Variants in PREX2 observed in about 807,000 individuals in gnomAD.
The protein encoded by PREX2 is phosphatidylinositol 3,4,5-trisphosphate-dependent Rac exchanger 2 protein.
PREX2 carries 107 observed loss-of-function variants against 203.2 expected under a neutral mutation model. That is an observed-to-expected ratio of 0.53 (90% CI 0.45 to 0.62). The LOEUF (loss-of-function observed/expected upper bound fraction) is 0.62, where lower values mean the gene tolerates loss of function less well. PREX2 is among the 20% of genes least tolerant of loss of function. PREX2 has a pLI of 0.00. For synonymous variants in PREX2, 672 were observed against 663.6 expected (o/e 1.01, Z -0.19); for missense variants, 1,777 against 1,955.9 (o/e 0.91, Z 1.72).
rs574548095 is a variant in PREX2 at position 68,055,722 on chromosome 8, C to T, written c.1094-108C>T. 26 of 1,026,936 alleles carry T rather than the reference C, an allele frequency of 2.5e-5. No homozygotes were observed. The East Asian group carries it at 6.0e-4, about 24-fold the overall frequency. 63.6% of individuals were successfully genotyped at this position (1,026,936 alleles called of 1,614,324 possible). On this transcript the variant is annotated intron_variant, in intron 9 of 39. Transcript: ENST00000288368. ...TTATACAGAGATCTGTATCCACAAC[C>T]CCCAGCACATGGTAGACCTGCAACA...
intron 9 of PREX2, among the ~76,000 whole-genome samples, chr8:68,054,518 A>G (rs147340950): frequency 1.0e-3 from 152 of 152,310 alleles, no homozygotes; most frequent in African/African-American, 3.5e-3. Context: ...AGCATTGTCA[A>G]AAATAAAAAT....
At chr8:68,023,301 T>G (rs1187812955) in intron 4 of PREX2, among the ~76,000 whole-genome samples, 1 of 152,180 alleles carries the variant, frequency 6.6e-6, no homozygotes, top group African/African-American at 2.4e-5. Flanking sequence ...CATTTTCAGT[T>G]TTTCTGATTA....
At chr8:67,988,885 G>T (rs538776221) in intron 1 of PREX2, among the ~76,000 whole-genome samples, 1 of 152,202 alleles carries the variant, frequency 6.6e-6, no homozygotes, top group African/African-American at 2.4e-5. Context: ...CAGCATGGCC[G>T]TAGTGATCCT....
intron 34 of PREX2, among the ~76,000 whole-genome samples, chr8:68,150,812 A>G (rs1431508540): frequency 6.6e-6 from 1 of 152,194 alleles, no homozygotes; most frequent in African/African-American, 2.4e-5. Context: ...GGCTTAAAAC[A>G]ACAGAAATGT....
rs777032012 is a variant in PREX2 at position 68,055,960 on chromosome 8, A to G, written c.1224A>G (p.Lys408=). 1.2e-6 allele frequency: 2 copies of G among 1,610,694 alleles called. No individual in the cohort carries two copies. Among genetic ancestry groups the G allele is most frequent in the African/African-American group, 2.7e-5 (2 of 74,396 alleles). ...AGAGAAAACTGACTACGTTCCCTAA[A>G]TGCTTTCTTGGAAGGTAGGGTTGGG... ...DRKRKLTTFP[K]CFLGSEFVSW... Residue 408 remains lysine (K), a synonymous_variant, in exon 10 of 40, where the codon AAA becomes AAG. Transcript: ENST00000288368.
chr8:68,215,148 G>A (rs1286101081), intron 37 of PREX2, among the ~76,000 whole-genome samples: 9 of 152,110 alleles, frequency 5.9e-5, no homozygotes, highest in Non-Finnish European at 7.4e-5. Flanking sequence ...ATCTCTGGCG[G>A]GTAATTTGCT....
chr8:68,080,966 C>T, intron 17 of PREX2, 128 bp downstream of exon 17: 1 of 663,162 alleles, frequency 1.5e-6, no homozygotes, highest in South Asian at 1.8e-5. Context: ...CATAATGTCT[C>T]TGGATAATCT....
At chr8:68,195,707 A>C (rs1193725795) in intron 37 of PREX2, among the ~76,000 whole-genome samples, 1 of 152,242 alleles carries the variant, frequency 6.6e-6, no homozygotes, top group Non-Finnish European at 1.5e-5. Context: ...AATTCACAGC[A>C]TGAATCAGAA....
Position 68,167,522 on chromosome 8 carries a change from G to A in PREX2, c.4346+10086G>A, listed in dbSNP as rs147581787. On this transcript the variant is annotated intron_variant, in intron 35 of 39. Coordinates refer to ENST00000288368, the MANE Select transcript of PREX2 (RefSeq NM_024870.4). Reference sequence around the variant, plus strand: ...AATTTTTGTATTTTTTGGTAGAGACGGAGTTTCACCATGTTGGCCAGATGG... The same window carrying A: ...AATTTTTGTATTTTTTGGTAGAGACAGAGTTTCACCATGTTGGCCAGATGG... 3.6e-3 allele frequency among the ~76,000 whole-genome samples: 553 copies of A among 151,952 alleles called. 4 individuals carry two copies. Among genetic ancestry groups the A allele is most frequent in the African/African-American group, 0.01 (426 of 41,490 alleles).
intron 3 of PREX2, 32 bp downstream of exon 3, chr8:68,019,703 C>A (rs1807509751): frequency 6.3e-7 from 1 of 1,584,978 alleles, no homozygotes; most frequent in Non-Finnish European, 8.6e-7. Context: ...TTTAAAAGTT[C>A]TTTTCCCCTA....
intron 1 of PREX2, among the ~76,000 whole-genome samples, chr8:67,979,475 C>T (rs1220342344): frequency 1.3e-5 from 2 of 152,160 alleles, no homozygotes; most frequent in Non-Finnish European, 2.9e-5. Flanking sequence ...AATCCCAGCA[C>T]ACTTACTTAA....
chr8:67,987,238 A>T (rs1002911924), intron 1 of PREX2, among the ~76,000 whole-genome samples: 85 of 148,934 alleles, frequency 5.7e-4, no homozygotes, highest in African/African-American at 1.9e-3. Context: ...CATTGTTTTC[A>T]TTTTTTTGGA....
rs919940039 is a variant in PREX2, at chr8:68,079,149, C to T, written c.1643-1294C>T. On this transcript the variant is annotated intron_variant, in intron 15 of 39. Coordinates refer to ENST00000288368, the MANE Select transcript of PREX2 (RefSeq NM_024870.4). Reference sequence around the variant, plus strand: ...CAGCCTGGACAACATAGCAAGACCCCGTCTCTACAGAAATTTAAAATAGTA... The same window carrying T: ...CAGCCTGGACAACATAGCAAGACCCTGTCTCTACAGAAATTTAAAATAGTA... 1.2e-4 allele frequency among the ~76,000 whole-genome samples: 18 copies of T among 152,130 alleles called. No homozygotes were observed. In the East Asian group the frequency reaches 1.3e-3, roughly 11 times the overall value.
intron 1 of PREX2, among the ~76,000 whole-genome samples, chr8:68,008,625 C>A (rs1807170984): frequency 6.6e-6 from 1 of 152,250 alleles, no homozygotes; most frequent in Non-Finnish European, 1.5e-5. Flanking sequence ...TGTGTCCCCA[C>A]CCAAACCTCA....
chr8:68,174,994 A>G (rs533770829), intron 35 of PREX2, among the ~76,000 whole-genome samples: 1 of 152,346 alleles, frequency 6.6e-6, no homozygotes, highest in Non-Finnish European at 1.5e-5. Context: ...GATGAACCGG[A>G]CAATATGCTC....
intron 20 of PREX2, among the ~76,000 whole-genome samples, chr8:68,091,054 T>C (rs1252999658): frequency 6.6e-6 from 1 of 152,194 alleles, no homozygotes; most frequent in Non-Finnish European, 1.5e-5. Context: ...GTAATGATCA[T>C]TGTGTCTGTG....
chr8:68,228,765 C>CTAAATAAATAAATAAATAAA (rs59480721), intron 39 of PREX2, among the ~76,000 whole-genome samples: 1 of 140,604 alleles, frequency 7.1e-6, no homozygotes, highest in Non-Finnish European at 1.5e-5. Context: ...GACTCCGTCT[C>CTAAATAAATAAATAAATAAA]TAAATAAATA....
chr8:68,146,219 T>C lies in PREX2; in HGVS notation c.4098T>C (p.Leu1366=). ...TAAATATCATTTTAGATGTTCCTCT[T>C]ACATATCAAGCAGAAGGAAGTCGGC... ...EEEPLVANVP[L]TYQAEGSRQA... The change falls in exon 34 of 40, where the codon CTT becomes CTC. Residue 1366 remains leucine (L), a synonymous_variant. Coordinates refer to ENST00000288368, the MANE Select transcript of PREX2 (RefSeq NM_024870.4). The C allele has an allele frequency of 6.2e-7, 1 of 1,607,024 alleles. No homozygotes were observed. The highest frequency in any genetic ancestry group is 2.2e-5 in the East Asian group (1 of 44,624).
At position 68,146,296 on chromosome 8, in the gene PREX2, C is replaced by T; in HGVS notation, c.4175C>T (p.Pro1392Leu). ...GATAGTTATCATTTTGAACAACTTC[C>T]TCAACGGCTGAAAAATGGAGGAGGG... ...YIDSYHFEQL[P>L]QRLKNGGGFK... The change falls in exon 34 of 40, where the codon CCT becomes CTT. Residue 1392 changes from proline (P) to leucine (L), a missense_variant. Pro to Leu is a moderately conservative substitution (Grantham distance 98). Coordinates refer to ENST00000288368, the MANE Select transcript of PREX2 (RefSeq NM_024870.4). 1 of 1,612,906 alleles carries T rather than the reference C, an allele frequency of 6.2e-7. No individual in the cohort carries two copies. Among genetic ancestry groups the T allele is most frequent in the African/African-American group, 1.3e-5 (1 of 74,934 alleles).
Sources: allele counts gnomAD v4.1 joint callset (sites outside exome capture counted in the v4.1 genomes callset), GRCh38; gene constraint gnomAD v4.1.1; transcripts MANE v1.5; gene names NCBI Gene and HGNC (gene_info 2026-07-23, HGNC 2026-07-21).